IFFO2: variants seen among roughly 807,000 people sequenced by gnomAD.
The protein encoded by IFFO2 is intermediate filament family orphan 2.
IFFO2 carries 19 observed loss-of-function variants against 53.5 expected under a neutral mutation model. The ratio of observed to expected loss-of-function variants is 0.36; its 90% confidence interval spans 0.25 to 0.52. IFFO2 has a LOEUF of 0.52. IFFO2 is among the 20% of genes least tolerant of loss of function. The pLI is 0.94. For missense variants in IFFO2, 570 were observed against 727.4 expected, an observed-to-expected ratio of 0.78 and a Z score of 2.49; for synonymous variants, 303 against 313.6, an observed-to-expected ratio of 0.97 and a Z score of 0.36.
At chr1:18,933,495 C>A (rs1936406848) in intron 1 of IFFO2, among the ~76,000 whole-genome samples, 1 of 152,214 alleles carries the variant, frequency 6.6e-6, no homozygotes. Flanking sequence ...ACATAACAGG[C>A]CAGGCACGTT....
At chr1:18,934,057 CTTTTTT>C (rs71577808) in intron 1 of IFFO2, among the ~76,000 whole-genome samples, 4 of 70,328 alleles carry the variant, frequency 5.7e-5, no homozygotes, top group African/African-American at 2.1e-4. Flanking sequence ...TCTCTTATTT[CTTTTTT>C]TTTTTTTTTT....
At chr1:18,921,377 C>T (rs1936214095) in intron 1 of IFFO2, among the ~76,000 whole-genome samples, 3 of 152,186 alleles carry the variant, frequency 2.0e-5, no homozygotes, top group South Asian at 4.1e-4. Flanking sequence ...CCCAGCACTT[C>T]GTGAAGACAG....
Position 18,905,066 on chromosome 1 carries a change from A to T in IFFO2, c.*3495T>A, listed in dbSNP as rs1935927751. ...TCGGCAGACCAGAGTCAGAGTAACT[A>T]ATTAATCAGAGCCTATCCCCAGAGC... On this transcript the variant is annotated 3_prime_UTR_variant, in exon 9 of 9. Coordinates refer to ENST00000455833, the MANE Select transcript of IFFO2 (RefSeq NM_001136265.2). 6.6e-6 allele frequency: 1 copy of T among 152,152 alleles called. No individual in the cohort carries two copies. Among genetic ancestry groups the T allele is most frequent in the Admixed American group, 6.5e-5 (1 of 15,292 alleles). 9.4% of individuals were successfully genotyped at this position (152,152 alleles called of 1,614,324 possible).
chr1:18,928,450 C>T lies in IFFO2; in HGVS notation c.666-7329G>A, dbSNP rs1480342395. On this transcript the variant is annotated intron_variant, in intron 1 of 8. Transcript: ENST00000455833. This position sits in a 1 kb window ranked among gnomAD's most constrained non-coding sequence, Gnocchi z 4.9. ...TACAGGCGGGCAGTAATGGCCTGAG[C>T]AGGACGGAGCACAGGCTGTACACTG... is the stretch of plus-strand genomic sequence containing the variant. Among the ~76,000 whole-genome samples, 1 of 152,194 alleles carries T rather than the reference C, an allele frequency of 6.6e-6. No individual in the cohort carries two copies. The highest frequency in any genetic ancestry group is 1.5e-5 in the Non-Finnish European group (1 of 68,042).
At position 18,907,168 on chromosome 1, in the gene IFFO2, G is replaced by A. The variant is rs944667324; in HGVS notation, c.*1393C>T. Reference sequence around the variant, plus strand: ...AATTAAAATTGGCAACAGACCCACTGCAGTAGGCTTAAAAAATAATAATAA... The same window carrying A: ...AATTAAAATTGGCAACAGACCCACTACAGTAGGCTTAAAAAATAATAATAA... On this transcript the variant is annotated 3_prime_UTR_variant, in exon 9 of 9. Coordinates refer to ENST00000455833, the MANE Select transcript of IFFO2 (RefSeq NM_001136265.2). The A allele has an allele frequency of 9.2e-5, 14 of 152,248 alleles. No homozygotes were observed. The highest frequency in any genetic ancestry group is 3.4e-4 in the African/African-American group (14 of 41,468). 9.4% of individuals were successfully genotyped at this position (152,248 alleles called of 1,614,324 possible).
intron 1 of IFFO2, among the ~76,000 whole-genome samples, chr1:18,955,073 G>T (rs993708487): frequency 6.6e-6 from 1 of 152,220 alleles, no homozygotes; most frequent in East Asian, 1.9e-4. Context: ...GGGGGTAGGG[G>T]CAGATCCATC....
At chr1:18,908,740 T>C in intron 8 of IFFO2, 74 bp from the exon 9 acceptor site, 1 of 1,044,530 alleles carries the variant, frequency 9.6e-7, no homozygotes, top group Non-Finnish European at 1.5e-6. Context: ...GTGGGAAGGC[T>C]GAGCTGCCAC....
At chr1:18,914,896 G>C (rs1936109075) in intron 5 of IFFO2, among the ~76,000 whole-genome samples, 1 of 151,304 alleles carries the variant, frequency 6.6e-6, no homozygotes, top group Non-Finnish European at 1.5e-5. Context: ...TATCAAAAGA[G>C]GAATCAAGAA....
intron 1 of IFFO2, among the ~76,000 whole-genome samples, chr1:18,949,716 G>A (rs1348606448): frequency 6.6e-6 from 1 of 152,258 alleles, no homozygotes; most frequent in East Asian, 1.9e-4. Context: ...ACGGTCATGT[G>A]TGGGGACGTG....
intron 5 of IFFO2, among the ~76,000 whole-genome samples, chr1:18,912,770 G>A (rs535064266): frequency 2.6e-5 from 4 of 152,338 alleles, no homozygotes; most frequent in African/African-American, 9.6e-5. Flanking sequence ...CAGAGGCTCA[G>A]AGGGATTCAG....
At chr1:18,948,297 G>A (rs1013544033) in intron 1 of IFFO2, among the ~76,000 whole-genome samples, 7 of 152,200 alleles carry the variant, frequency 4.6e-5, no homozygotes, top group African/African-American at 1.7e-4. Flanking sequence ...ACAAACTGAG[G>A]TGCAAGAGAT....
At chr1:18,926,117 A>AGATGGATGGATGGATG in intron 1 of IFFO2, among the ~76,000 whole-genome samples, 1 of 35,534 alleles carries the variant, frequency 2.8e-5, no homozygotes, top group Admixed American at 3.2e-4. Context: ...TTGGATGGAT[A>AGATGGATGGATGGATG]GATGGATGGA....
Position 18,932,677 on chromosome 1 carries a change from C to A in IFFO2, c.666-11556G>T, listed in dbSNP as rs144799791. Among the ~76,000 whole-genome samples, 164 of 152,364 alleles carry A rather than the reference C, an allele frequency of 1.1e-3. No individual in the cohort carries two copies. The Middle Eastern group carries it at 0.014, about 13-fold the overall frequency. Reference sequence around the variant, plus strand: ...GGAAGCTATGATTAGTCATGGAACACGGCCTTTCTGCTGTCCTCCCTGCCA... The same window carrying A: ...GGAAGCTATGATTAGTCATGGAACAAGGCCTTTCTGCTGTCCTCCCTGCCA... On this transcript the variant is annotated intron_variant, in intron 1 of 8. Coordinates refer to ENST00000455833, the MANE Select transcript of IFFO2 (RefSeq NM_001136265.2).
chr1:18,929,771 A>AAGCTAGTCCTGC (rs1936351102), intron 1 of IFFO2, among the ~76,000 whole-genome samples: 1 of 152,110 alleles, frequency 6.6e-6, no homozygotes, highest in Non-Finnish European at 1.5e-5. Flanking sequence ...GGAAGTCCTG[A>AAGCTAGTCCTGC]AGCTAGTCCT....
At position 18,911,944 on chromosome 1, in the gene IFFO2, A is replaced by G. The variant is rs1450500927; in HGVS notation, c.1224+19T>C. ...AGACCCCTAGTCCTGGCCTTTGGGA[A>G]GCCAGGCGCTGGGCTTACCTCGCCC... is the stretch of plus-strand genomic sequence containing the variant. On this transcript the variant is annotated intron_variant, in intron 6 of 8. Transcript: ENST00000455833. 6.4e-7 allele frequency: 1 copy of G among 1,551,242 alleles called. No homozygotes were observed. Among genetic ancestry groups the G allele is most frequent in the Non-Finnish European group, 8.7e-7 (1 of 1,146,816 alleles).
At chr1:18,940,610 C>T (rs999271147) in intron 1 of IFFO2, among the ~76,000 whole-genome samples, 2 of 138,054 alleles carry the variant, frequency 1.4e-5, no homozygotes, top group East Asian at 2.2e-4. Flanking sequence ...GATGGATGGA[C>T]AGACGGACGG....
intron 1 of IFFO2, among the ~76,000 whole-genome samples, chr1:18,924,230 T>A (rs904417483): frequency 9.2e-5 from 14 of 152,356 alleles, no homozygotes; most frequent in Admixed American, 7.2e-4. Flanking sequence ...AGGTGGGCGA[T>A]GTGTTTCTTA....
chr1:18,952,968 C>T (rs1569870858), intron 1 of IFFO2, among the ~76,000 whole-genome samples: 1 of 152,216 alleles, frequency 6.6e-6, no homozygotes, highest in African/African-American at 2.4e-5. Flanking sequence ...GCTTGAAGAT[C>T]GCTGAGCCTC....
Position 18,918,308 on chromosome 1 carries a change from G to A in IFFO2, c.963+54C>T, listed in dbSNP as rs114698575. Reference sequence around the variant, plus strand: ...GTTGGCCGGGCAGGGGTGGAGGCCAGGGCTGCTCTGGGAGAGTGGGGGGTT... The same window carrying A: ...GTTGGCCGGGCAGGGGTGGAGGCCAAGGCTGCTCTGGGAGAGTGGGGGGTT... On this transcript the variant is annotated intron_variant, in intron 4 of 8. Transcript: ENST00000455833. This position sits in a 1 kb window ranked among gnomAD's most constrained non-coding sequence, Gnocchi z 5.2. 3.5e-3 allele frequency: 5,418 copies of A among 1,531,632 alleles called. 174 individuals are homozygous for A. In the African/African-American group the frequency reaches 0.064, roughly 18 times the overall value. The allele number at this position is 1,531,632 out of a possible 1,614,324, so 94.9% of individuals were successfully genotyped here.
Sources: gnomAD v4.1 joint callset for allele counts (sites outside exome capture counted in the v4.1 genomes callset) on GRCh38, gnomAD v4.1.1 for gene constraint, Gnocchi (gnomAD v3.1) non-coding constraint, MANE v1.5 for transcripts, NCBI Gene and HGNC (gene_info 2026-07-23, HGNC 2026-07-21) for gene names.